SMYD3: variants seen among roughly 807,000 people sequenced by gnomAD.
SMYD3 encodes the protein histone-lysine N-methyltransferase SMYD3.
A neutral mutation model predicts 57.7 loss-of-function variants in SMYD3; 36 were observed. The ratio of observed to expected loss-of-function variants is 0.62; its 90% confidence interval spans 0.48 to 0.82. The LOEUF (loss-of-function observed/expected upper bound fraction) is 0.82, where lower values mean the gene tolerates loss of function less well. Among genes scored for constraint, SMYD3 ranks in the 40% least tolerant of loss-of-function variants. The pLI is 0.00. For missense variants in SMYD3, 515 were observed against 538.8 expected (o/e 0.96, Z 0.44); for synonymous variants, 211 against 195.0 (o/e 1.08, Z -0.68).
At chr1:245,951,571 A>ATC (rs2057653264) in intron 5 of SMYD3, among the ~76,000 whole-genome samples, 1 of 148,774 alleles carries the variant, frequency 6.7e-6, no homozygotes, top group African/African-American at 2.5e-5. Context: ...TCTCTCTCAA[A>ATC]AAAAAAAAAA....
At chr1:246,198,399 AAT>A (rs1356775012) in intron 5 of SMYD3, among the ~76,000 whole-genome samples, 6 of 152,240 alleles carry the variant, frequency 3.9e-5, no homozygotes, top group Admixed American at 1.3e-4. Context: ...CTAATATTCA[AAT>A]GAGCTCAACT....
chr1:246,432,257 T>C (rs1432418714), intron 1 of SMYD3, among the ~76,000 whole-genome samples: 1 of 152,244 alleles, frequency 6.6e-6, no homozygotes, highest in Admixed American at 6.5e-5. Context: ...TTCATTTTAA[T>C]TACTCTAGAG....
intron 1 of SMYD3, among the ~76,000 whole-genome samples, chr1:246,475,651 A>G (rs2068020801): frequency 6.6e-6 from 1 of 151,950 alleles, no homozygotes; most frequent in Non-Finnish European, 1.5e-5. Context: ...GTCTCATTGT[A>G]TTGCCCAGAG....
At chr1:246,257,592 T>G (rs1296363767) in intron 5 of SMYD3, among the ~76,000 whole-genome samples, 2 of 152,224 alleles carry the variant, frequency 1.3e-5, no homozygotes, top group Non-Finnish European at 2.9e-5. Context: ...TCTGTGCCCT[T>G]TAAGTAGACT....
At chr1:246,291,933 A>G (rs954190175) in intron 5 of SMYD3, among the ~76,000 whole-genome samples, 8 of 152,118 alleles carry the variant, frequency 5.3e-5, no homozygotes, top group African/African-American at 1.9e-4. Flanking sequence ...CCAATACACC[A>G]GCATCTTAGA....
rs533479788 is a variant in SMYD3, at chr1:246,216,362, T to C, written c.531+110839A>G. Among the ~76,000 whole-genome samples the C allele has an allele frequency of 1.2e-4, 18 of 151,454 alleles. No individual in the cohort carries two copies. The South Asian group carries it at 3.3e-3, about 28-fold the overall frequency. On this transcript the variant is annotated intron_variant, in intron 5 of 11. Transcript: ENST00000490107. ...AAATACATCTCCATATTGGACAATA[T>C]GGTGACCCCAACAACCCAGATAGAC...
chr1:245,928,441 G>A (rs1292720692), intron 6 of SMYD3, among the ~76,000 whole-genome samples: 1 of 152,146 alleles, frequency 6.6e-6, no homozygotes, highest in Non-Finnish European at 1.5e-5. Context: ...GGAAGCCGAG[G>A]TGGGTGGATC....
chr1:246,329,642 G>A (rs2065426139), intron 4 of SMYD3, among the ~76,000 whole-genome samples: 1 of 152,012 alleles, frequency 6.6e-6, no homozygotes, highest in African/African-American at 2.4e-5. Context: ...TTTGTAGGTT[G>A]CCTGTTCACT....
At chr1:245,759,114 T>A (rs1382694166) in intron 11 of SMYD3, among the ~76,000 whole-genome samples, 2 of 152,240 alleles carry the variant, frequency 1.3e-5, no homozygotes, top group African/African-American at 4.8e-5. Flanking sequence ...TTAATCACTG[T>A]GTTTGCATTT....
At chr1:246,104,537 G>A (rs993265040) in intron 5 of SMYD3, among the ~76,000 whole-genome samples, 5 of 152,224 alleles carry the variant, frequency 3.3e-5, no homozygotes, top group East Asian at 1.9e-4. Context: ...TGGCTGGTTC[G>A]GGTCTTGTCG....
chr1:246,446,689 A>T (rs1389006863), intron 1 of SMYD3, among the ~76,000 whole-genome samples: 2 of 152,208 alleles, frequency 1.3e-5, no homozygotes, highest in Non-Finnish European at 2.9e-5. Flanking sequence ...ATCTGATGAC[A>T]CTGTTAAAAG....
chr1:246,287,273 A>T (rs1482653689), intron 5 of SMYD3, among the ~76,000 whole-genome samples: 1 of 152,330 alleles, frequency 6.6e-6, no homozygotes. Context: ...AACTTAGAAA[A>T]TATTTTCTAA....
chr1:246,050,203 G>C (rs2060044208), intron 5 of SMYD3, among the ~76,000 whole-genome samples: 1 of 152,136 alleles, frequency 6.6e-6, no homozygotes, highest in South Asian at 2.1e-4. Context: ...TAATTAAGAG[G>C]ATCACGCAAA....
rs74405604 is a variant in SMYD3, at chr1:246,196,298, C to T, written c.531+130903G>A. ...CCTGGGTACAGACACTGCTCCTTGT[C>T]TTTTTTCCTTTGTGTAATTCAGATA... is the stretch of plus-strand genomic sequence containing the variant. On this transcript the variant is annotated intron_variant, in intron 5 of 11. Transcript: ENST00000490107. Among the ~76,000 whole-genome samples the T allele has an allele frequency of 2.4e-3, 367 of 152,168 alleles. 1 individual carries two copies. The highest frequency in any genetic ancestry group is 8.1e-3 in the African/African-American group (336 of 41,530).
intron 5 of SMYD3, among the ~76,000 whole-genome samples, chr1:246,068,271 A>G (rs1572972068): frequency 1.4e-5 from 2 of 147,172 alleles, no homozygotes; most frequent in East Asian, 4.1e-4. Context: ...ACTGGAAATC[A>G]AACTACAGGT....
intron 7 of SMYD3, among the ~76,000 whole-genome samples, chr1:245,918,077 G>A (rs1297923003): frequency 3.3e-5 from 5 of 152,188 alleles, no homozygotes; most frequent in African/African-American, 4.8e-5. Context: ...CACCATGGCC[G>A]TCACCATCAC....
intron 10 of SMYD3, among the ~76,000 whole-genome samples, chr1:245,798,629 C>T (rs1476021751): frequency 1.3e-5 from 2 of 151,988 alleles, no homozygotes; most frequent in East Asian, 3.9e-4. Flanking sequence ...GATGTGTTTT[C>T]TCAGGCTGGG....
At chr1:246,455,558 G>A (rs760609264) in intron 1 of SMYD3, among the ~76,000 whole-genome samples, 6 of 152,174 alleles carry the variant, frequency 3.9e-5, no homozygotes, top group Admixed American at 6.5e-5. Context: ...GCCTCCAAAT[G>A]CTATAGAAAA....
intron 5 of SMYD3, among the ~76,000 whole-genome samples, chr1:245,974,015 A>G (rs918790784): frequency 1.3e-5 from 2 of 152,104 alleles, no homozygotes; most frequent in Non-Finnish European, 2.9e-5. Flanking sequence ...TTATAGGTCT[A>G]AACAGTTTCA....
Sources: gnomAD v4.1 joint callset for allele counts (sites outside exome capture counted in the v4.1 genomes callset) on GRCh38, gnomAD v4.1.1 for gene constraint, MANE v1.5 for transcripts, NCBI Gene and HGNC (gene_info 2026-07-23, HGNC 2026-07-21) for gene names.